The following TMEM266 variants were observed in gnomAD, a reference collection of about 807,000 sequenced individuals.
TMEM266 encodes Hv1 related protein 1.
Under a neutral mutation model 50.5 loss-of-function variants are expected in TMEM266, and 33 were observed. That is an observed-to-expected ratio of 0.65 (90% CI 0.50 to 0.87). The LOEUF (loss-of-function observed/expected upper bound fraction) is 0.87. TMEM266 is among the 40% of genes least tolerant of loss of function. TMEM266 has a pLI of 0.00. For synonymous variants in TMEM266, 310 were observed against 292.3 expected (o/e 1.06, Z -0.62); for missense variants, 655 against 695.1 (o/e 0.94, Z 0.65).
At chr15:76,190,936 G>A (rs1278056150) in intron 8 of TMEM266, among the ~76,000 whole-genome samples, 2 of 152,160 alleles carry the variant, frequency 1.3e-5, no homozygotes, top group Non-Finnish European at 2.9e-5. Flanking sequence ...GGAACACTAG[G>A]TGGCGGTGAA....
At chr15:76,086,929 G>C (rs1031948396) in intron 1 of TMEM266, among the ~76,000 whole-genome samples, 2 of 33,904 alleles carry the variant, frequency 5.9e-5, no homozygotes, top group Non-Finnish European at 6.7e-5. Context: ...GGAGCAGGTC[G>C]GGGGGGGGGC....
At chr15:76,189,506 TG>T (rs2038536547) in intron 8 of TMEM266, among the ~76,000 whole-genome samples, 1 of 151,310 alleles carries the variant, frequency 6.6e-6, no homozygotes, top group South Asian at 2.1e-4. Flanking sequence ...TTGAACAGAG[TG>T]GGGCATGTGT....
intron 9 of TMEM266, among the ~76,000 whole-genome samples, chr15:76,197,950 G>A (rs1024476621): frequency 6.6e-5 from 10 of 152,336 alleles, no homozygotes; most frequent in Middle Eastern, 3.4e-3. Flanking sequence ...TGCACTTGAC[G>A]GGCTTTTAGG....
At chr15:76,162,638 A>G (rs1353113925) in intron 5 of TMEM266, among the ~76,000 whole-genome samples, 1 of 152,228 alleles carries the variant, frequency 6.6e-6, no homozygotes, top group African/African-American at 2.4e-5. Context: ...AGTTAAGATC[A>G]AAACTGGACC....
In TMEM266 at chr15:76,204,200, C is replaced by T. The variant is rs1022858116; in HGVS notation, c.1481C>T (p.Thr494Ile). 3.7e-6 allele frequency: 6 copies of T among 1,613,868 alleles called. No individual in the cohort carries two copies. The highest frequency in any genetic ancestry group is 5.1e-6 in the Non-Finnish European group (6 of 1,180,030). Reference sequence around the variant, plus strand: ...AACCAGAAGAACCAGGAGGGCTTCACTGTCTTTCAGATCAGGCCTGTCATC... The same window carrying T: ...AACCAGAAGAACCAGGAGGGCTTCATTGTCTTTCAGATCAGGCCTGTCATC... The change falls in exon 11 of 11, where the codon ACT (threonine) becomes ATT (isoleucine). Residue 494 changes from threonine (T) to isoleucine (I), a missense_variant. By Grantham distance (89) the Thr-to-Ile change is moderately conservative. Around this residue, in one of 3 missense-constraint regions of TMEM266, gnomAD observed 455 missense variants for 401.8 expected, o/e 1.13. Transcript: ENST00000388942.
At chr15:76,166,817 A>G (rs1467121876) in intron 5 of TMEM266, among the ~76,000 whole-genome samples, 2 of 152,242 alleles carry the variant, frequency 1.3e-5, no homozygotes, top group Non-Finnish European at 2.9e-5. Flanking sequence ...TTCAGCGGGT[A>G]CAGAGTTTCA....
intron 9 of TMEM266, among the ~76,000 whole-genome samples, chr15:76,199,287 C>T (rs2038703050): frequency 1.3e-5 from 2 of 152,178 alleles, no homozygotes; most frequent in African/African-American, 2.4e-5. Context: ...CGGGGACGGT[C>T]GGCCAGACCA....
At chr15:76,111,643 G>A (rs556914207) in intron 1 of TMEM266, among the ~76,000 whole-genome samples, 62 of 150,150 alleles carry the variant, frequency 4.1e-4, no homozygotes, top group African/African-American at 1.5e-3. Context: ...CCTGACCTCA[G>A]GTGATCCACC....
chr15:76,197,539 G>A (rs1207336181), intron 9 of TMEM266, among the ~76,000 whole-genome samples: 4 of 152,240 alleles, frequency 2.6e-5, no homozygotes, highest in African/African-American at 9.6e-5. Context: ...TTTTCAAAAT[G>A]AAACAGGTGT....
rs1427462938 is a variant in TMEM266 at position 76,137,787 on chromosome 15, T to G, written c.119T>G (p.Val40Gly). The G allele has an allele frequency of 6.2e-7, 1 of 1,614,224 alleles. No individual in the cohort carries two copies. Among genetic ancestry groups the G allele is most frequent in the East Asian group, 2.2e-5 (1 of 44,880 alleles). Residue 40 changes from valine (V) to glycine (G), a missense_variant, in exon 3 of 11, where the codon GTG (valine) becomes GGG (glycine). Coordinates refer to ENST00000388942, the MANE Select transcript of TMEM266 (RefSeq NM_152335.3). ...GAAGAAACCAAGAGCATTGCTCCTG[T>G]GCAGCTGGTGAACTTTGCCTATCGG...
chr15:76,162,767 G>A (rs900723540), intron 5 of TMEM266, among the ~76,000 whole-genome samples: 6 of 152,204 alleles, frequency 3.9e-5, no homozygotes, highest in African/African-American at 7.2e-5. Flanking sequence ...AAGAAAGTCC[G>A]ACCGAGTGAT....
At chr15:76,201,086 C>A (rs138369827) in intron 9 of TMEM266, among the ~76,000 whole-genome samples, 307 of 152,208 alleles carry the variant, frequency 2.0e-3, no homozygotes, top group Non-Finnish European at 3.2e-3. Context: ...TGGAGCACTT[C>A]CAGACTTCCA....
intron 1 of TMEM266, among the ~76,000 whole-genome samples, chr15:76,095,061 A>G (rs2036903101): frequency 6.6e-6 from 1 of 152,090 alleles, no homozygotes; most frequent in Non-Finnish European, 1.5e-5. Context: ...ATCTGCAAAC[A>G]GAGACAATTT....
intron 7 of TMEM266, chr15:76,174,885 T>C (rs1166099834): frequency 1.3e-5 from 2 of 152,352 alleles, no homozygotes; most frequent in African/African-American, 4.8e-5. Context: ...AGTACTCCAC[T>C]GCATGGCTAG....
chr15:76,188,005 C>T (rs776712393), intron 8 of TMEM266, among the ~76,000 whole-genome samples: 32 of 152,096 alleles, frequency 2.1e-4, no homozygotes, highest in Non-Finnish European at 4.4e-4. Context: ...CACTTGCTCA[C>T]GAGAACCCAT....
intron 10 of TMEM266, 55 bp from the exon 11 acceptor site, chr15:76,203,686 G>T: frequency 2.6e-6 from 4 of 1,535,164 alleles, no homozygotes; most frequent in South Asian, 1.2e-5. Flanking sequence ...TCTCTTCAGG[G>T]CCCCCAGGTG....
intron 1 of TMEM266, among the ~76,000 whole-genome samples, chr15:76,105,161 G>A (rs952962871): frequency 4.6e-5 from 7 of 152,126 alleles, no homozygotes; most frequent in South Asian, 2.1e-4. Flanking sequence ...CAGAAAAATC[G>A]CTTGAACCCA....
intron 1 of TMEM266, among the ~76,000 whole-genome samples, chr15:76,119,497 T>A (rs558247332): frequency 6.0e-5 from 9 of 150,878 alleles, no homozygotes; most frequent in Non-Finnish European, 1.2e-4. Flanking sequence ...CCGGGCGCGG[T>A]GGCTCAGGCC....
intron 3 of TMEM266, among the ~76,000 whole-genome samples, chr15:76,152,778 C>T (rs1253841544): frequency 2.0e-5 from 3 of 152,176 alleles, no homozygotes; most frequent in South Asian, 2.1e-4. Flanking sequence ...ACCAGCTCTG[C>T]GTGTCTTCCT....
Sources: allele counts gnomAD v4.1 joint callset (sites outside exome capture counted in the v4.1 genomes callset), GRCh38; gene constraint gnomAD v4.1.1; regional missense constraint gnomAD v4.1.1; transcripts MANE v1.5; gene names NCBI Gene and HGNC (gene_info 2026-07-23, HGNC 2026-07-21).